Variants in PLCB4 observed in about 807,000 individuals in gnomAD.
The protein encoded by PLCB4 is 1-phosphatidylinositol 4,5-bisphosphate phosphodiesterase beta-4.
Under a neutral mutation model 178.8 loss-of-function variants are expected in PLCB4, and 77 were observed. That is an observed-to-expected ratio of 0.43 (90% CI 0.36 to 0.52). PLCB4 has a LOEUF of 0.52. Among genes scored for constraint, PLCB4 ranks in the 20% least tolerant of loss-of-function variants. The pLI, the probability that PLCB4 is intolerant of heterozygous loss-of-function variation, is 0.00. For synonymous variants in PLCB4, 496 were observed against 490.8 expected (o/e 1.01, Z -0.14); for missense variants, 1,024 against 1,453.4 (o/e 0.70, Z 4.80).
At chr20:9,197,687 T>C (rs6056465) in intron 2 of PLCB4, among the ~76,000 whole-genome samples, 1 of 152,086 alleles carries the variant, frequency 6.6e-6, no homozygotes, top group South Asian at 2.1e-4. Flanking sequence ...GAAATAAAAC[T>C]AAACCAGGCC....
intron 25 of PLCB4, among the ~76,000 whole-genome samples, chr20:9,411,762 C>T (rs1203240913): frequency 3.3e-5 from 5 of 151,730 alleles, no homozygotes; most frequent in African/African-American, 1.2e-4. Context: ...CCCCTCACCC[C>T]ACCTCAGCCT....
At chr20:9,389,262 A>C (rs1364499960) in intron 15 of PLCB4, among the ~76,000 whole-genome samples, 1 of 152,100 alleles carries the variant, frequency 6.6e-6, no homozygotes, top group Non-Finnish European at 1.5e-5. Flanking sequence ...GGTCAAGAAC[A>C]CTTCTATGTT....
chr20:9,077,759 G>A (rs1028194025), intron 1 of PLCB4, among the ~76,000 whole-genome samples: 3 of 152,158 alleles, frequency 2.0e-5, no homozygotes, highest in Non-Finnish European at 2.9e-5. Flanking sequence ...GTGGTCCACA[G>A]CCAACACAGA....
intron 28 of PLCB4, among the ~76,000 whole-genome samples, chr20:9,433,528 C>T (rs2041568944): frequency 6.6e-6 from 1 of 151,804 alleles, no homozygotes; most frequent in Admixed American, 6.6e-5. Flanking sequence ...ATTAAATGTT[C>T]TGATATATGG....
intron 4 of PLCB4, among the ~76,000 whole-genome samples, chr20:9,322,744 T>C (rs1480045242): frequency 6.6e-6 from 1 of 152,188 alleles, no homozygotes; most frequent in Non-Finnish European, 1.5e-5. Flanking sequence ...ACAGAAAGGG[T>C]TTTTGTACTA....
intron 14 of PLCB4, among the ~76,000 whole-genome samples, chr20:9,386,019 G>A (rs1025091222): frequency 2.6e-5 from 4 of 152,200 alleles, no homozygotes; most frequent in African/African-American, 4.8e-5. Context: ...CCGGGAGGCC[G>A]AGGCTGGCAG....
intron 4 of PLCB4, among the ~76,000 whole-genome samples, chr20:9,308,919 T>C (rs2094800086): frequency 6.6e-6 from 1 of 152,250 alleles, no homozygotes; most frequent in Admixed American, 6.5e-5. Context: ...TGCATTCTGC[T>C]ATAAGATGAA....
At chr20:9,444,513 C>T (rs1224958460) in intron 32 of PLCB4, among the ~76,000 whole-genome samples, 1 of 152,080 alleles carries the variant, frequency 6.6e-6, no homozygotes, top group African/African-American at 2.4e-5. Flanking sequence ...GCCTGTAATC[C>T]CAGCACTTTG....
chr20:9,178,002 G>A (rs1158656455), intron 2 of PLCB4, among the ~76,000 whole-genome samples: 1 of 152,180 alleles, frequency 6.6e-6, no homozygotes, highest in African/African-American at 2.4e-5. Context: ...AAACATATTT[G>A]TATCATCAGT....
chr20:9,343,764 T>G (rs2033497565), intron 7 of PLCB4, among the ~76,000 whole-genome samples: 1 of 152,174 alleles, frequency 6.6e-6, no homozygotes, highest in African/African-American at 2.4e-5. Context: ...CCACAGTCAT[T>G]TTCATCTCAA....
chr20:9,153,425 A>G (rs912112721), intron 2 of PLCB4, among the ~76,000 whole-genome samples: 5 of 152,020 alleles, frequency 3.3e-5, no homozygotes, highest in African/African-American at 1.2e-4. Flanking sequence ...TTGATAGTGA[A>G]TACATCTTGA....
In PLCB4 at chr20:9,421,344, A is replaced by G; in HGVS notation, c.2202A>G (p.Val734=). Residue 734 remains valine (V), a synonymous_variant, in exon 27 of 40, where the codon GTA becomes GTG. Transcript: ENST00000378473. ...CAGATAAGAAAATTGGCACCTACGT[A>G]GAGGTGGATATGTATGGGTTGCCCA... ...FLSDKKIGTY[V]EVDMYGLPTD... is the part of the protein sequence containing the mutation. 6.2e-7 allele frequency: 1 copy of G among 1,613,508 alleles called. No individual in the cohort carries two copies. The highest frequency in any genetic ancestry group is 8.5e-7 in the Non-Finnish European group (1 of 1,179,456).
At chr20:9,266,838 A>C (rs2094354269) in intron 3 of PLCB4, among the ~76,000 whole-genome samples, 1 of 152,206 alleles carries the variant, frequency 6.6e-6, no homozygotes, top group Non-Finnish European at 1.5e-5. Flanking sequence ...ATAAATTAGA[A>C]GATTAATGTT....
At chr20:9,364,062 C>T (rs1425629691) in intron 8 of PLCB4, among the ~76,000 whole-genome samples, 1 of 152,214 alleles carries the variant, frequency 6.6e-6, no homozygotes, top group Non-Finnish European at 1.5e-5. Context: ...TTCAATACTA[C>T]TTATCTTGTT....
chr20:9,323,705 C>T (rs1344348956), intron 4 of PLCB4, among the ~76,000 whole-genome samples: 1 of 152,108 alleles, frequency 6.6e-6, no homozygotes, highest in East Asian at 1.9e-4. Context: ...CCCAGGAGTC[C>T]CCTCATTGGA....
intron 2 of PLCB4, among the ~76,000 whole-genome samples, chr20:9,191,461 C>T (rs2093403148): frequency 7.1e-6 from 1 of 141,652 alleles, no homozygotes; most frequent in African/African-American, 2.6e-5. Flanking sequence ...CTGCTGGTAA[C>T]TTGATCTTGG....
chr20:9,285,235 T>C (rs2094527273), intron 3 of PLCB4, among the ~76,000 whole-genome samples: 1 of 151,948 alleles, frequency 6.6e-6, no homozygotes, highest in South Asian at 2.1e-4. Context: ...ATAATGGCAT[T>C]ATTTTAACCA....
At chr20:9,394,621 T>A (rs1485124402) in intron 18 of PLCB4, among the ~76,000 whole-genome samples, 1 of 152,210 alleles carries the variant, frequency 6.6e-6, no homozygotes, top group Non-Finnish European at 1.5e-5. Context: ...TATAGCATGA[T>A]GTAACGAGTC....
intron 3 of PLCB4, among the ~76,000 whole-genome samples, chr20:9,251,934 A>C (rs2094185606): frequency 6.6e-6 from 1 of 152,166 alleles, no homozygotes; most frequent in African/African-American, 2.4e-5. Context: ...ATATATAAAA[A>C]TTGTCAGCGA....
Sources: allele counts gnomAD v4.1 joint callset (sites outside exome capture counted in the v4.1 genomes callset), GRCh38; gene constraint gnomAD v4.1.1; transcripts MANE v1.5; gene names NCBI Gene and HGNC (gene_info 2026-07-23, HGNC 2026-07-21).